The following ACACA variants were observed in gnomAD, a reference collection of about 807,000 sequenced individuals.
ACACA encodes the protein acetyl-CoA carboxylase alpha.
A neutral mutation model predicts 296.1 loss-of-function variants in ACACA; 103 were observed. That is an observed-to-expected ratio of 0.35 (90% CI 0.30 to 0.41). ACACA has a LOEUF of 0.41. ACACA is among the 10% of genes least tolerant of loss of function. ACACA has a pLI of 1.00. For missense variants in ACACA, 1,554 were observed against 2,989.7 expected (o/e 0.52, Z 11.20); for synonymous variants, 953 against 1,038.6 (o/e 0.92, Z 1.58).
At chr17:37,174,968 GC>G (rs2077055100) in intron 41 of ACACA, among the ~76,000 whole-genome samples, 1 of 151,942 alleles carries the variant, frequency 6.6e-6, no homozygotes, top group African/African-American at 2.4e-5. Context: ...ATACAACATC[GC>G]AACATCGTCT....
chr17:37,303,917 A>G (rs1351929065), intron 3 of ACACA, among the ~76,000 whole-genome samples: 2 of 152,218 alleles, frequency 1.3e-5, no homozygotes. Flanking sequence ...CATTCCCACC[A>G]GCAATGTACA....
At chr17:37,297,041 C>T (rs1288651874) in intron 3 of ACACA, among the ~76,000 whole-genome samples, 1 of 151,814 alleles carries the variant, frequency 6.6e-6, no homozygotes, top group Non-Finnish European at 1.5e-5. Context: ...TTGGCAAAGA[C>T]ACATTCAGAC....
chr17:37,132,067 A>T (rs1433381361), intron 45 of ACACA, among the ~76,000 whole-genome samples: 1 of 152,104 alleles, frequency 6.6e-6, no homozygotes, highest in Non-Finnish European at 1.5e-5. Flanking sequence ...TCTCTCGGTC[A>T]CTCAGCTTTC....
At chr17:37,255,504 T>C (rs1274150885) in intron 14 of ACACA, among the ~76,000 whole-genome samples, 1 of 152,212 alleles carries the variant, frequency 6.6e-6, no homozygotes, top group African/African-American at 2.4e-5. Context: ...CTTTGTACTG[T>C]AGACAAATGT....
At chr17:37,193,348 T>A (rs753539161) in intron 36 of ACACA, 26 bp downstream of exon 36, 25 of 1,540,144 alleles carry the variant, frequency 1.6e-5, no homozygotes, top group Admixed American at 3.4e-5. Context: ...TTTTTTTTTT[T>A]AAATAGGAAA....
At position 37,318,036 on chromosome 17, in the gene ACACA, G is replaced by A. The variant is rs570219762; in HGVS notation, c.338+12137C>T. Among the ~76,000 whole-genome samples the A allele has an allele frequency of 2.6e-5, 4 of 152,270 alleles. No homozygotes were observed. The South Asian group carries it at 8.3e-4, about 32-fold the overall frequency. On this transcript the variant is annotated intron_variant, in intron 3 of 55. Coordinates refer to ENST00000616317, the MANE Select transcript of ACACA (RefSeq NM_198834.3). Reference sequence around the variant, plus strand: ...GCACTGAAAGTAGAAAGTTTGGAGAGCTATTAGGGGAAGGGAAGAAGCTCA... The same window carrying A: ...GCACTGAAAGTAGAAAGTTTGGAGAACTATTAGGGGAAGGGAAGAAGCTCA...
At chr17:37,177,603 G>A (rs1261853077) in intron 41 of ACACA, among the ~76,000 whole-genome samples, 2 of 152,116 alleles carry the variant, frequency 1.3e-5, no homozygotes, top group South Asian at 2.1e-4. Flanking sequence ...TTTGCTCTCA[G>A]CCCCATGTTC....
chr17:37,277,741 T>A (rs1464860218), intron 6 of ACACA, among the ~76,000 whole-genome samples, 155 bp downstream of exon 6: 1 of 152,244 alleles, frequency 6.6e-6, no homozygotes, highest in Non-Finnish European at 1.5e-5. Context: ...TATTTCCATC[T>A]TTCTTTTCCT....
Position 37,330,490 on chromosome 17 carries a change from A to G in ACACA, c.86-65T>C, listed in dbSNP as rs2047826015. On this transcript the variant is annotated intron_variant, in intron 2 of 55. Coordinates refer to ENST00000616317, the MANE Select transcript of ACACA (RefSeq NM_198834.3). Reference sequence around the variant, plus strand: ...TAATAATCTATATCTGAGGTCAGCCAGAGGTTATATCTAATAAACCATAGC... The same window carrying G: ...TAATAATCTATATCTGAGGTCAGCCGGAGGTTATATCTAATAAACCATAGC... 5.6e-6 allele frequency: 9 copies of G among 1,595,864 alleles called. No homozygotes were observed. The East Asian group carries it at 1.8e-4, about 32-fold the overall frequency.
intron 1 of ACACA, among the ~76,000 whole-genome samples, chr17:37,374,607 C>T (rs1283219855): frequency 6.6e-6 from 1 of 152,052 alleles, no homozygotes; most frequent in East Asian, 1.9e-4. Flanking sequence ...TTTTATGCTC[C>T]ATCTATCTAT....
At chr17:37,380,660 C>G (rs1172039405) in intron 1 of ACACA, among the ~76,000 whole-genome samples, 1 of 151,902 alleles carries the variant, frequency 6.6e-6, no homozygotes, top group Non-Finnish European at 1.5e-5. Flanking sequence ...TCCAGTGGTG[C>G]GATCTTGGCC....
chr17:37,384,095 C>A (rs144295333), intron 1 of ACACA, among the ~76,000 whole-genome samples: 1 of 152,170 alleles, frequency 6.6e-6, no homozygotes, highest in Admixed American at 6.5e-5. Context: ...GAAACCCCGT[C>A]TCTACTAAAA....
chr17:37,146,487 A>G (rs902451165), intron 45 of ACACA, among the ~76,000 whole-genome samples: 1 of 152,116 alleles, frequency 6.6e-6, no homozygotes, highest in Non-Finnish European at 1.5e-5. Context: ...AAAGTTTTTA[A>G]AAATCTCTGC....
chr17:37,213,055 T>G (rs542643247), intron 29 of ACACA, among the ~76,000 whole-genome samples: 1 of 152,138 alleles, frequency 6.6e-6, no homozygotes, highest in Non-Finnish European at 1.5e-5. Context: ...CAGTGGCTCA[T>G]GCCTATAATT....
At chr17:37,380,863 T>TG (rs1270359866) in intron 1 of ACACA, among the ~76,000 whole-genome samples, 1 of 152,066 alleles carries the variant, frequency 6.6e-6, no homozygotes, top group Admixed American at 6.5e-5. Context: ...CCCAAACTGC[T>TG]GGGATTACAG....
intron 25 of ACACA, among the ~76,000 whole-genome samples, chr17:37,233,992 G>A (rs1053714310): frequency 6.6e-6 from 1 of 152,206 alleles, no homozygotes; most frequent in African/African-American, 2.4e-5. Flanking sequence ...AACTGAATGA[G>A]TGGCACTCTT....
chr17:37,328,550 T>A, intron 3 of ACACA: 1 of 214,930 alleles, frequency 4.7e-6, no homozygotes, highest in Non-Finnish European at 9.1e-6. Context: ...GACCTCTACA[T>A]AGCTAAATGA....
chr17:37,309,507 C>T (rs1214142686), intron 3 of ACACA, among the ~76,000 whole-genome samples: 1 of 151,986 alleles, frequency 6.6e-6, no homozygotes, highest in African/African-American at 2.4e-5. Flanking sequence ...AAAAAAGGAA[C>T]ACTGTAACAA....
At chr17:37,316,114 T>G (rs2047074178) in intron 3 of ACACA, among the ~76,000 whole-genome samples, 1 of 152,124 alleles carries the variant, frequency 6.6e-6, no homozygotes, top group African/African-American at 2.4e-5. Context: ...AATGCTTATT[T>G]ATTATCACAG....
Sources: gnomAD v4.1 joint callset for allele counts (sites outside exome capture counted in the v4.1 genomes callset) on GRCh38, gnomAD v4.1.1 for gene constraint, MANE v1.5 for transcripts, NCBI Gene and HGNC (gene_info 2026-07-23, HGNC 2026-07-21) for gene names.